Variants in CD34 observed in about 807,000 individuals in gnomAD.
CD34 encodes the protein hematopoietic progenitor cell antigen CD34.
A neutral mutation model predicts 40.1 loss-of-function variants in CD34; 34 were observed. The observed-to-expected ratio is 0.85, with a 90% CI of 0.65 to 1.13. CD34 has a LOEUF of 1.13. CD34 is among the 50% of genes most tolerant of loss of function. CD34 has a pLI of 0.00. For synonymous variants in CD34, 209 were observed against 190.0 expected (o/e 1.10, Z -0.82); for missense variants, 426 against 466.9 (o/e 0.91, Z 0.81).
At chr1:207,888,028 G>T in intron 7 of CD34, 105 bp from the exon 8 acceptor site, 1 of 1,565,452 alleles carries the variant, frequency 6.4e-7, no homozygotes, top group East Asian at 2.3e-5. Context: ...TGGGAGAAGG[G>T]GGAGGGGGAG....
chr1:207,891,311 G>A (rs1365895419), intron 4 of CD34, among the ~76,000 whole-genome samples: 1 of 152,176 alleles, frequency 6.6e-6, no homozygotes, highest in African/African-American at 2.4e-5. Context: ...TGTGTCATGT[G>A]TAGGGGGGTG....
At chr1:207,890,259 T>C (rs2102296124) in intron 4 of CD34, 1 of 994,150 alleles carries the variant, frequency 1.0e-6, no homozygotes, top group Non-Finnish European at 1.2e-6. Flanking sequence ...GACCCAGGAA[T>C]TTGGACTCAG....
intron 4 of CD34, chr1:207,890,302 T>G: frequency 2.2e-6 from 2 of 904,388 alleles, no homozygotes; most frequent in Non-Finnish European, 2.6e-6. Flanking sequence ...CAATAGTGAG[T>G]CAGAATTTAT....
rs1421780322 is a variant in CD34, at chr1:207,893,130, A to AT, written c.598-3510dup. Among the ~76,000 whole-genome samples, 5 of 152,272 alleles carry AT rather than the reference A, an allele frequency of 3.3e-5. No individual in the cohort carries two copies. The East Asian group carries it at 9.7e-4, about 29-fold the overall frequency. On this transcript the variant is annotated intron_variant, in intron 4 of 7. Transcript: ENST00000310833. ...GGCAGGAGGAAGACACAGCCTCACC[A>AT]TTTTGTTCATGAGAATCAGATTTAC... is the stretch of plus-strand genomic sequence containing the variant.
At chr1:207,890,125 G>C in intron 4 of CD34, 1 of 1,104,044 alleles carries the variant, frequency 9.1e-7, no homozygotes, top group Non-Finnish European at 1.1e-6. Context: ...GTCTCAAAAA[G>C]TGCATTGCTC....
chr1:207,901,800 G>C (rs1345521313), intron 1 of CD34, among the ~76,000 whole-genome samples: 1 of 152,202 alleles, frequency 6.6e-6, no homozygotes, highest in East Asian at 1.9e-4. Flanking sequence ...TAAATGTTAA[G>C]GGTGAACTTG....
In CD34 at chr1:207,894,100, C is replaced by T. The variant is rs1255466319; in HGVS notation, c.597+3393G>A. Reference sequence around the variant, plus strand: ...AGGTTGCCAAGGAGATATTTGTACACTTATGTTAAAAGCAGTATTATTCAC... The same window carrying T: ...AGGTTGCCAAGGAGATATTTGTACATTTATGTTAAAAGCAGTATTATTCAC... On this transcript the variant is annotated intron_variant, in intron 4 of 7. Transcript: ENST00000310833. 2.0e-5 allele frequency among the ~76,000 whole-genome samples: 3 copies of T among 152,144 alleles called. No individual in the cohort carries two copies. The East Asian group carries it at 5.8e-4, about 29-fold the overall frequency.
At chr1:207,906,055 T>A (rs905449827) in intron 1 of CD34, among the ~76,000 whole-genome samples, 1 of 152,040 alleles carries the variant, frequency 6.6e-6, no homozygotes, top group South Asian at 2.1e-4. Flanking sequence ...CTGTGGAGAG[T>A]ACAAAATGAG....
Position 207,910,997 on chromosome 1 carries a change from C to G in CD34, c.79+5G>C, listed in dbSNP as rs1418202985. ...AAGCGGCCGCGGCGCGCGGGCGGTA[C>G]TCACGCAGCAAACTCAGCAAGCAAA... On this transcript the variant is annotated splice_donor_5th_base_variant and intron_variant, in intron 1 of 7. Transcript: ENST00000310833. 6.3e-7 allele frequency: 1 copy of G among 1,581,676 alleles called. No homozygotes were observed. Among genetic ancestry groups the G allele is most frequent in the Admixed American group, 1.8e-5 (1 of 56,220 alleles).
intron 6 of CD34, 67 bp from the exon 7 acceptor site, chr1:207,888,913 CCT>C (rs1319114760): frequency 6.6e-7 from 1 of 1,514,532 alleles, no homozygotes; most frequent in Non-Finnish European, 9.1e-7. Context: ...CCGCTCCAGC[CCT>C]CTGTGTGTGA....
At position 207,911,121 on chromosome 1, in the gene CD34, A is replaced by G; in HGVS notation, c.-41T>C. 2 of 1,526,546 alleles carry G rather than the reference A, an allele frequency of 1.3e-6. No individual in the cohort carries two copies. The highest frequency in any genetic ancestry group is 8.8e-7 in the Non-Finnish European group (1 of 1,135,066). 94.6% of individuals were successfully genotyped at this position (1,526,546 alleles called of 1,614,324 possible). ...CCTAGAGAGACGCACCGAGTGGAAG[A>G]CACTACTCGGCTTGGCCAGGACGCG... On this transcript the variant is annotated 5_prime_UTR_variant, in exon 1 of 8. Transcript: ENST00000310833.
chr1:207,899,907 T>C lies in CD34; in HGVS notation c.176A>G (p.Gln59Arg), dbSNP rs369149182. 1.7e-5 allele frequency: 28 copies of C among 1,614,000 alleles called. No homozygotes were observed. Among genetic ancestry groups the C allele is most frequent in the Non-Finnish European group, 2.4e-5 (28 of 1,179,958 alleles). ...FSNVSTNVSYQETTTPSTLGS... is the reference protein window; with the variant it reads ...FSNVSTNVSYRETTTPSTLGS... ...AAGGGTACTAGGTGTTGTAGTTTCT[T>C]GGTAGGATACATTTGTAGAAACATT... Residue 59 changes from glutamine to arginine, a missense_variant, in exon 2 of 8, where the codon CAA becomes CGA. Physicochemically the swap from Gln to Arg is conservative, Grantham distance 43. Transcript: ENST00000310833.
At chr1:207,901,688 A>T (rs746802241) in intron 1 of CD34, among the ~76,000 whole-genome samples, 1 of 152,232 alleles carries the variant, frequency 6.6e-6, no homozygotes, top group Non-Finnish European at 1.5e-5. Context: ...TCAAGGTAAG[A>T]GGATAGAAGA....
At position 207,887,692 on chromosome 1, in the gene CD34, G is replaced by C; in HGVS notation, c.*46C>G. ...GGTAGCACGTGGTCAGATGCAGAGA[G>C]GGGTGCTCTCTCGGACACTGCCCAG... On this transcript the variant is annotated 3_prime_UTR_variant, in exon 8 of 8. Coordinates refer to ENST00000310833, the MANE Select transcript of CD34 (RefSeq NM_001025109.2). The C allele has an allele frequency of 1.2e-6, 2 of 1,610,926 alleles. No homozygotes were observed. Among genetic ancestry groups the C allele is most frequent in the Non-Finnish European group, 1.7e-6 (2 of 1,178,198 alleles).
At chr1:207,897,623 CT>C in intron 3 of CD34, 50 bp from the exon 4 acceptor site, 1 of 1,378,662 alleles carries the variant, frequency 7.3e-7, no homozygotes. Flanking sequence ...AAGCCAGTAT[CT>C]TTGCTCCTCA....
intron 4 of CD34, chr1:207,889,917 A>C (rs1400807984): frequency 6.7e-7 from 1 of 1,496,618 alleles, no homozygotes; most frequent in Non-Finnish European, 8.8e-7. Context: ...CACATATGCA[A>C]ATTAAACTCA....
In CD34 at chr1:207,889,595, C is replaced by G; in HGVS notation, c.624G>C (p.Glu208Asp). 1 of 1,613,786 alleles carries G rather than the reference C, an allele frequency of 6.2e-7. No homozygotes were observed. Among genetic ancestry groups the G allele is most frequent in the South Asian group, 1.1e-5 (1 of 91,004 alleles). Residue 208 changes from glutamate to aspartate, a missense_variant, in exon 5 of 8, where the codon GAG (glutamate) becomes GAC (aspartate). Coordinates refer to ENST00000310833, the MANE Select transcript of CD34 (RefSeq NM_001025109.2). ...CCCCACACAGCACTCGGGCCAGGCC[C>G]TCTCCCCTGTCCTTCTTAAACTCCG... Reference protein sequence around the residue: ...SCAEFKKDRGEGLARVLCGEE... With the variant: ...SCAEFKKDRGDGLARVLCGEE...
chr1:207,903,392 C>G (rs373874529), intron 1 of CD34, among the ~76,000 whole-genome samples: 24 of 152,190 alleles, frequency 1.6e-4, no homozygotes, highest in African/African-American at 5.5e-4. Context: ...AACCTCCACT[C>G]TTTTTCATTC....
At chr1:207,889,092 C>G in intron 6 of CD34, 69 bp downstream of exon 6, 1 of 1,006,606 alleles carries the variant, frequency 9.9e-7, no homozygotes, top group Non-Finnish European at 1.6e-6. Context: ...ATAATGACTT[C>G]CCCCCTTACT....
Sources: allele counts gnomAD v4.1 joint callset (sites outside exome capture counted in the v4.1 genomes callset), GRCh38; gene constraint gnomAD v4.1.1; transcripts MANE v1.5; gene names NCBI Gene and HGNC (gene_info 2026-07-23, HGNC 2026-07-21).